RASA2: variants seen among roughly 807,000 people sequenced by gnomAD.
RASA2 encodes the protein RAS p21 protein activator 2, also known as ras GTPase-activating protein 2.
RASA2 carries 155 observed loss-of-function variants against 118.2 expected under a neutral mutation model. That is an observed-to-expected ratio of 1.31 (90% CI 1.15 to 1.50). The LOEUF is 1.50. Among genes scored for constraint, RASA2 ranks in the 40% most tolerant of loss-of-function variants. The probability of loss-of-function intolerance (pLI) is 0.00; values close to 1 mark genes in which losing one functional copy is unlikely to be tolerated. For synonymous variants in RASA2, 353 were observed against 349.1 expected (o/e 1.01, Z -0.12); for missense variants, 1,016 against 1,009.6 (o/e 1.01, Z -0.09).
At chr3:141,568,006 G>T (rs1334701024) in intron 9 of RASA2, among the ~76,000 whole-genome samples, 1 of 152,060 alleles carries the variant, frequency 6.6e-6, no homozygotes, top group Non-Finnish European at 1.5e-5. Context: ...TAGTAAGGAG[G>T]GTTGAAATTA....
chr3:141,487,348 G>C, intron 1 of RASA2, 132 bp downstream of exon 1: 1 of 1,096,936 alleles, frequency 9.1e-7, no homozygotes, highest in Non-Finnish European at 1.1e-6. Flanking sequence ...TGGGCCGGGC[G>C]CGGTTGAGGC....
At chr3:141,532,247 C>G (rs2082270475) in intron 4 of RASA2, among the ~76,000 whole-genome samples, 1 of 152,070 alleles carries the variant, frequency 6.6e-6, no homozygotes, top group African/African-American at 2.4e-5. Context: ...CAAAAGAGAT[C>G]TGTCTGATTC....
chr3:141,595,607 A>T (rs558283690), intron 19 of RASA2, among the ~76,000 whole-genome samples: 3 of 151,628 alleles, frequency 2.0e-5, no homozygotes, highest in East Asian at 1.9e-4. Context: ...TTCTAGTTGA[A>T]TTTTTTTTTC....
intron 5 of RASA2, among the ~76,000 whole-genome samples, chr3:141,551,674 A>G (rs1384138713): frequency 2.0e-5 from 3 of 152,064 alleles, no homozygotes; most frequent in African/African-American, 4.8e-5. Context: ...ATTTTGTTCA[A>G]TTCGTTTTGG....
chr3:141,529,661 A>G, intron 3 of RASA2, 47 bp from the exon 4 acceptor site: 1 of 1,369,372 alleles, frequency 7.3e-7, no homozygotes, highest in Non-Finnish European at 1.0e-6. Context: ...GAGTCTTAGG[A>G]TTATACGAAG....
At chr3:141,512,995 G>A (rs895405634) in intron 2 of RASA2, among the ~76,000 whole-genome samples, 2 of 151,532 alleles carry the variant, frequency 1.3e-5, no homozygotes, top group South Asian at 2.1e-4. Context: ...CCCAGGGGTC[G>A]GAGGTTGCAG....
At chr3:141,590,131 G>A in intron 19 of RASA2, 1 of 456,532 alleles carries the variant, frequency 2.2e-6, no homozygotes, top group South Asian at 1.5e-5. Flanking sequence ...CTAAAAAAGA[G>A]TTCATTGAAC....
At chr3:141,510,629 G>A (rs974151414) in intron 1 of RASA2, among the ~76,000 whole-genome samples, 6 of 152,190 alleles carry the variant, frequency 3.9e-5, no homozygotes, top group Non-Finnish European at 7.3e-5. Flanking sequence ...AATAGTCAAG[G>A]AAGATTTCTC....
chr3:141,586,032 A>T lies in RASA2; in HGVS notation c.1760A>T (p.Asp587Val). 1 of 1,608,474 alleles carries T rather than the reference A, an allele frequency of 6.2e-7. No homozygotes were observed. Among genetic ancestry groups the T allele is most frequent in the Non-Finnish European group, 8.5e-7 (1 of 1,175,288 alleles). The change falls in exon 18 of 24, where the codon GAT becomes GTT. Residue 587 changes from aspartate (D) to valine (V), a missense_variant. Transcript: ENST00000286364. ...GCCCATTTCCCCATTTAGTTCTTGG[A>T]TGAAATTTCATCTACTGAAACTAAA... The part of the protein sequence containing the change: ...GYIIAVKKFL[D>V]EISSTETKES...
chr3:141,511,364 T>C (rs965333708), intron 1 of RASA2, among the ~76,000 whole-genome samples: 14 of 151,890 alleles, frequency 9.2e-5, no homozygotes, highest in Non-Finnish European at 2.9e-5. Flanking sequence ...TACTGCAGAG[T>C]TGGCAAAGAG....
In RASA2 at chr3:141,580,483, C is replaced by T. The variant is rs1454832950; in HGVS notation, c.1674+32C>T. 5 of 1,513,548 alleles carry T rather than the reference C, an allele frequency of 3.3e-6. No homozygotes were observed. The African/African-American group carries it at 7.0e-5, about 21-fold the overall frequency. The allele number at this position is 1,513,548 out of a possible 1,614,324, so 93.8% of individuals were successfully genotyped here. On this transcript the variant is annotated intron_variant, in intron 16 of 23. Transcript: ENST00000286364. ...CCTTACATCTTTTATTTTGTTTTTA[C>T]ACTTCTAAATGTTGTTACATCCTAT...
At chr3:141,557,775 TAAAA>T (rs755112304) in intron 7 of RASA2, among the ~76,000 whole-genome samples, 1 of 151,638 alleles carries the variant, frequency 6.6e-6, no homozygotes, top group East Asian at 1.9e-4. Flanking sequence ...AAGAGGCAGA[TAAAA>T]GAGAGAATGC....
At chr3:141,598,271 G>A (rs972833870) in intron 19 of RASA2, among the ~76,000 whole-genome samples, 34 of 152,164 alleles carry the variant, frequency 2.2e-4, no homozygotes, top group Non-Finnish European at 2.4e-4. Flanking sequence ...AAATCCAGCA[G>A]TATATGAAAA....
intron 4 of RASA2, among the ~76,000 whole-genome samples, chr3:141,538,576 T>C (rs1307433039): frequency 6.6e-6 from 1 of 152,214 alleles, no homozygotes; most frequent in Non-Finnish European, 1.5e-5. Context: ...TGTATTTCCT[T>C]GTTAAAGTAT....
At chr3:141,580,828 C>T (rs74615267) in intron 16 of RASA2, among the ~76,000 whole-genome samples, 1 of 141,542 alleles carries the variant, frequency 7.1e-6, no homozygotes, top group African/African-American at 2.6e-5. Context: ...TTAATGAGAA[C>T]ATTAAAAAAA....
chr3:141,494,238 G>T (rs2081671882), intron 1 of RASA2, among the ~76,000 whole-genome samples: 1 of 152,150 alleles, frequency 6.6e-6, no homozygotes, highest in Admixed American at 6.5e-5. Context: ...TTTTATTTTG[G>T]AAAGACAATG....
At chr3:141,610,478 A>AAAAT (rs2083632261) in intron 23 of RASA2, among the ~76,000 whole-genome samples, 1 of 100,000 alleles carries the variant, frequency 1.0e-5, no homozygotes, top group Non-Finnish European at 1.8e-5. Context: ...TATATATATA[A>AAAAT]ATATATATAT....
At chr3:141,537,204 C>G (rs1056150856) in intron 4 of RASA2, among the ~76,000 whole-genome samples, 30 of 150,902 alleles carry the variant, frequency 2.0e-4, no homozygotes, top group Admixed American at 1.9e-3. Context: ...CTTTTTTTCT[C>G]TTCTCTGCTG....
intron 7 of RASA2, among the ~76,000 whole-genome samples, 174 bp from the exon 8 acceptor site, chr3:141,558,712 T>C (rs1006021516): frequency 6.6e-6 from 1 of 152,066 alleles, no homozygotes; most frequent in Non-Finnish European, 1.5e-5. Context: ...CACTACCTTA[T>C]TCTTTTCTGC....
Sources: allele counts gnomAD v4.1 joint callset (sites outside exome capture counted in the v4.1 genomes callset), GRCh38; gene constraint gnomAD v4.1.1; transcripts MANE v1.5; gene names NCBI Gene and HGNC (gene_info 2026-07-23, HGNC 2026-07-21).